TUSC3: variants seen among roughly 807,000 people sequenced by gnomAD.
TUSC3 encodes the protein dolichyl-diphosphooligosaccharide--protein glycosyltransferase subunit TUSC3.
TUSC3 carries 45 observed loss-of-function variants against 44.8 expected under a neutral mutation model. The observed-to-expected ratio is 1.00, with a 90% CI of 0.79 to 1.29. The LOEUF (loss-of-function observed/expected upper bound fraction) is 1.29, where lower values mean the gene tolerates loss of function less well. TUSC3 is among the 50% of genes most tolerant of loss of function. The pLI, the probability that TUSC3 is intolerant of heterozygous loss-of-function variation, is 0.00. For synonymous variants in TUSC3, 212 were observed against 152.9 expected (o/e 1.39, Z -2.85); for missense variants, 519 against 437.9 (o/e 1.19, Z -1.65).
chr8:15,435,800 A>C (rs891506366), intron 1 of TUSC3, among the ~76,000 whole-genome samples: 7 of 152,156 alleles, frequency 4.6e-5, no homozygotes, highest in African/African-American at 1.7e-4. Context: ...TGCAATTTCC[A>C]TATAGAGTTT....
At chr8:15,686,271 G>T (rs915779059) in intron 6 of TUSC3, among the ~76,000 whole-genome samples, 23 of 151,782 alleles carry the variant, frequency 1.5e-4, no homozygotes, top group Non-Finnish European at 3.2e-4. Context: ...AAGCTTATGC[G>T]TAGGCTGTAA....
chr8:15,490,483 A>C (rs560408967), intron 2 of TUSC3, among the ~76,000 whole-genome samples: 1 of 152,112 alleles, frequency 6.6e-6, no homozygotes, highest in African/African-American at 2.4e-5. Context: ...GGTGCACTCA[A>C]CTGAAGGCCT....
intron 1 of TUSC3, among the ~76,000 whole-genome samples, chr8:15,459,072 C>T (rs1390270108): frequency 6.6e-6 from 1 of 152,132 alleles, no homozygotes; most frequent in African/African-American, 2.4e-5. Flanking sequence ...AGTCCTTTAG[C>T]AGTTAAAGTA....
upstream of TUSC3, among the ~76,000 whole-genome samples, chr8:15,538,879 T>C (rs1359615146): frequency 6.6e-6 from 1 of 151,872 alleles, no homozygotes; most frequent in Non-Finnish European, 1.5e-5. Flanking sequence ...AGACAGGGTT[T>C]TGCTCTGTCT....
At chr8:15,757,172 T>A (rs1811961000) in intron 9 of TUSC3, among the ~76,000 whole-genome samples, 1 of 152,132 alleles carries the variant, frequency 6.6e-6, no homozygotes, top group Non-Finnish European at 1.5e-5. Context: ...GGTATCGCAG[T>A]TCCAATTCTA....
At chr8:15,787,527 G>A in the TUSC3 span, among the ~76,000 whole-genome samples, 1 of 152,136 alleles carries the variant, frequency 6.6e-6, no homozygotes, top group African/African-American at 2.4e-5. Context: ...ATTTTATGAT[G>A]TCAATGAAAA....
chr8:15,739,166 T>C (rs1811071524), intron 7 of TUSC3, among the ~76,000 whole-genome samples: 1 of 152,124 alleles, frequency 6.6e-6, no homozygotes, highest in Admixed American at 6.5e-5. Flanking sequence ...GTCAATTTCA[T>C]TTTATATGGC....
chr8:15,706,420 C>T (rs531336835), intron 6 of TUSC3, among the ~76,000 whole-genome samples: 16 of 152,080 alleles, frequency 1.1e-4, no homozygotes, highest in Non-Finnish European at 2.2e-4. Flanking sequence ...ACATCCAATT[C>T]CATGTTAAAA....
Position 15,712,924 on chromosome 8 carries a change from C to T in TUSC3, c.799-17742C>T, listed in dbSNP as rs139102113. Reference sequence around the variant, plus strand: ...TACAGTTCAGTCTGGCTCCTTTATGCGTAGCTCCATTGATAATTACACTCT... The same window carrying T: ...TACAGTTCAGTCTGGCTCCTTTATGTGTAGCTCCATTGATAATTACACTCT... On this transcript the variant is annotated intron_variant, in intron 6 of 10. Coordinates refer to ENST00000503731, the MANE Select transcript of TUSC3 (RefSeq NM_006765.4). 4.6e-4 allele frequency among the ~76,000 whole-genome samples: 70 copies of T among 152,196 alleles called. No individual in the cohort carries two copies. In the East Asian group the frequency reaches 0.013, roughly 28 times the overall value.
intron 1 of TUSC3, among the ~76,000 whole-genome samples, chr8:15,564,031 G>C (rs938812152): frequency 6.6e-6 from 1 of 152,060 alleles, no homozygotes; most frequent in African/African-American, 2.4e-5. Context: ...ATGCTTTAAA[G>C]AAATGTTTCC....
chr8:15,649,337 C>G (rs1193477606), intron 2 of TUSC3, among the ~76,000 whole-genome samples: 5 of 152,204 alleles, frequency 3.3e-5, no homozygotes, highest in African/African-American at 1.2e-4. Context: ...GTAATCCCAG[C>G]ACTTTGGGAG....
At position 15,630,499 on chromosome 8, in the gene TUSC3, A is replaced by T. The variant is rs564934414; in HGVS notation, c.308+7250A>T. Among the ~76,000 whole-genome samples the T allele has an allele frequency of 2.6e-5, 4 of 152,308 alleles. No homozygotes were observed. The East Asian group carries it at 7.7e-4, about 29-fold the overall frequency. On this transcript the variant is annotated intron_variant, in intron 2 of 10. Coordinates refer to ENST00000503731, the MANE Select transcript of TUSC3 (RefSeq NM_006765.4). ...ATTCTCATTATTGTGAAAGTTAGAT[A>T]TGAACAAAACTCGTTTTATAAATGA...
In TUSC3 at chr8:15,659,556, G is replaced by C. The variant is rs766923947; in HGVS notation, c.476G>C (p.Arg159Thr). 1.2e-6 allele frequency: 2 copies of C among 1,613,324 alleles called. No individual in the cohort carries two copies. Among genetic ancestry groups the C allele is most frequent in the South Asian group, 2.2e-5 (2 of 91,064 alleles). ...PTFMHFPPKG[R>T]PKRADTFDLQ... ...TTCATGCATTTTCCTCCAAAAGGCA[G>C]ACCTAAGAGAGCTGATACTTTTGAC... is the stretch of plus-strand genomic sequence containing the variant. The change falls in exon 4 of 11, where the codon AGA (arginine) becomes ACA (threonine). Residue 159 changes from arginine (R) to threonine (T), a missense_variant. Coordinates refer to ENST00000503731, the MANE Select transcript of TUSC3 (RefSeq NM_006765.4).
At chr8:15,438,539 T>C (rs1158100769) in intron 1 of TUSC3, among the ~76,000 whole-genome samples, 1 of 152,216 alleles carries the variant, frequency 6.6e-6, no homozygotes, top group Non-Finnish European at 1.5e-5. Flanking sequence ...TGAGAGATTT[T>C]TGGTGCTCCT....
chr8:15,507,029 T>C (rs1022345222), intron 2 of TUSC3, among the ~76,000 whole-genome samples: 2 of 152,224 alleles, frequency 1.3e-5, no homozygotes, highest in African/African-American at 4.8e-5. Context: ...CTCTGTATCT[T>C]TGGGTCTTCA....
At chr8:15,429,944 C>G (rs1488099124) in intron 1 of TUSC3, among the ~76,000 whole-genome samples, 15 of 151,608 alleles carry the variant, frequency 9.9e-5, no homozygotes, top group Admixed American at 9.8e-4. Context: ...GAAGTTGAAT[C>G]TCTGAATAGA....
At chr8:15,825,753 C>T in the TUSC3 span, among the ~76,000 whole-genome samples, 2 of 148,620 alleles carry the variant, frequency 1.3e-5, no homozygotes, top group South Asian at 4.3e-4. Context: ...GAGATTACCT[C>T]CTATGCATTT....
At chr8:15,656,524 T>C (rs115867494) in intron 3 of TUSC3, among the ~76,000 whole-genome samples, 2,222 of 152,322 alleles carry the variant, frequency 0.015, 42 homozygotes, top group African/African-American at 0.048. Flanking sequence ...TTATTTTTTT[T>C]CATTCCACGT....
intron 1 of TUSC3, among the ~76,000 whole-genome samples, chr8:15,566,919 G>A (rs1802700551): frequency 6.6e-6 from 1 of 151,986 alleles, no homozygotes; most frequent in Non-Finnish European, 1.5e-5. Flanking sequence ...AGGTTTGCCC[G>A]GCCAACACAT....
Sources: allele counts gnomAD v4.1 joint callset (sites outside exome capture counted in the v4.1 genomes callset), GRCh38; gene constraint gnomAD v4.1.1; transcripts MANE v1.5; gene names NCBI Gene and HGNC (gene_info 2026-07-23, HGNC 2026-07-21).